The following COQ6 variants were observed in gnomAD, a reference collection of about 807,000 sequenced individuals.
The protein encoded by COQ6 is coenzyme Q6, monooxygenase.
A neutral mutation model predicts 55.5 loss-of-function variants in COQ6; 45 were observed. The ratio of observed to expected loss-of-function variants is 0.81; its 90% CI spans 0.64 to 1.04. The LOEUF is 1.04. Ranked by LOEUF, COQ6 falls within the 50% of genes least tolerant of loss-of-function variation. The probability of loss-of-function intolerance (pLI) is 0.00; values close to 1 mark genes in which losing one functional copy is unlikely to be tolerated. For missense variants in COQ6, 550 were observed against 601.3 expected (o/e 0.91, Z 0.89); for synonymous variants, 206 against 230.5 (o/e 0.89, Z 0.96).
chr14:73,950,684 A>C (rs1437259346), intron 1 of COQ6, 189 bp downstream of exon 1: 1 of 832,838 alleles, frequency 1.2e-6, no homozygotes, highest in Admixed American at 2.9e-5. Flanking sequence ...ATTAGGGTCA[A>C]AAGTGGGAGG....
At chr14:73,953,032 T>C (rs1302316992) in intron 1 of COQ6, among the ~76,000 whole-genome samples, 1 of 152,246 alleles carries the variant, frequency 6.6e-6, no homozygotes, top group Non-Finnish European at 1.5e-5. Context: ...TGAATTTTGC[T>C]TGTTTATTCC....
At position 73,961,337 on chromosome 14, in the gene COQ6, T is replaced by C; in HGVS notation, c.1056T>C (p.His352=). ...TTCTGTTTCCTCTTGGGTTGGGACA[T>C]GCTGCTGAGTACGTCAGGCCTCGGG... ...SRVLFPLGLG[H]AAEYVRPRVA... Residue 352 remains histidine (H), a synonymous_variant, in exon 9 of 12, where the codon CAT becomes CAC. Transcript: ENST00000334571. 2 of 1,614,206 alleles carry C rather than the reference T, an allele frequency of 1.2e-6. No individual in the cohort carries two copies. Among genetic ancestry groups the C allele is most frequent in the South Asian group, 1.1e-5 (1 of 91,092 alleles).
At chr14:73,950,587 C>G (rs2056148724) in intron 1 of COQ6, 92 bp downstream of exon 1, 6 of 1,491,126 alleles carry the variant, frequency 4.0e-6, no homozygotes, top group Non-Finnish European at 5.4e-6. Flanking sequence ...TGCCCAAAGA[C>G]AATTTCTCAG....
chr14:73,961,955 G>T, intron 11 of COQ6, 52 bp downstream of exon 11: 1 of 1,602,786 alleles, frequency 6.2e-7, no homozygotes, highest in South Asian at 1.1e-5. Flanking sequence ...AATTTCTTTT[G>T]CTTTTTTTTG....
rs1177414275 is a variant in COQ6 at position 73,959,240 on chromosome 14, G to T, written c.783+16G>T. 5.6e-6 allele frequency: 9 copies of T among 1,614,184 alleles called. No individual in the cohort carries two copies. Among genetic ancestry groups the T allele is most frequent in the Non-Finnish European group, 7.6e-6 (9 of 1,180,044 alleles). Reference sequence around the variant, plus strand: ...TCTGCTCCCGGTAAGAGGTCCTTCTGACCAGTCCGCCCACATGCATGCAAG... The same window carrying T: ...TCTGCTCCCGGTAAGAGGTCCTTCTTACCAGTCCGCCCACATGCATGCAAG... On this transcript the variant is annotated intron_variant, in intron 7 of 11. Transcript: ENST00000334571.
Position 73,959,185 on chromosome 14 carries a change from G to A in COQ6, c.744G>A (p.Trp248Ter), listed in dbSNP as rs2056586289. The change falls in exon 7 of 12, where the codon TGG becomes TGA. Residue 248 changes from tryptophan (W) to a stop codon, truncating the protein, a stop_gained. Transcript: ENST00000334571. LOFTEE classifies it high-confidence loss of function. ...LSEATENNVA[W>*]QRFLPSGPIA... ...AGGCCACAGAAAACAACGTAGCCTG[G>A]CAGAGATTTCTTCCCTCTGGGCCTA... The A allele has an allele frequency of 1.9e-6, 3 of 1,614,066 alleles. No homozygotes were observed. The highest frequency in any genetic ancestry group is 2.7e-5 in the African/African-American group (2 of 74,916).
intron 2 of COQ6, among the ~76,000 whole-genome samples, chr14:73,955,097 C>T (rs1189698964): frequency 6.6e-6 from 1 of 151,182 alleles, no homozygotes; most frequent in African/African-American, 2.4e-5. Flanking sequence ...GGACTACAGG[C>T]GCCCGCCACC....
chr14:73,960,921 G>A, intron 8 of COQ6: 1 of 582,610 alleles, frequency 1.7e-6, no homozygotes. Flanking sequence ...ATTGAGGGTG[G>A]GGACTAGTGA....
chr14:73,949,946 C>T (rs777954195), upstream of COQ6: 5 of 1,612,160 alleles, frequency 3.1e-6, no homozygotes, highest in African/African-American at 4.0e-5. Context: ...ATTCCTTTCC[C>T]GGGGGCAGTC....
At position 73,950,349 on chromosome 14, in the gene COQ6, T is replaced by C; in HGVS notation, c.17T>C (p.Val6Ala). MAARL[V>A]SRCGAVRAAP... ...GTCTGCACCATGGCGGCCCGGCTTG[T>C]CAGCCGATGCGGGGCTGTGCGTGCA... Residue 6 changes from valine (V) to alanine (A), a missense_variant, in exon 1 of 12, where the codon GTC (valine) becomes GCC (alanine). Coordinates refer to ENST00000334571, the MANE Select transcript of COQ6 (RefSeq NM_182476.3). 6.4e-7 allele frequency: 1 copy of C among 1,554,676 alleles called. No individual in the cohort carries two copies. The highest frequency in any genetic ancestry group is 1.7e-4 in the Middle Eastern group (1 of 6,008).
chr14:73,962,893 C>A, intron 11 of COQ6, 77 bp from the exon 12 acceptor site: 2 of 1,215,544 alleles, frequency 1.6e-6, no homozygotes, highest in Non-Finnish European at 2.4e-6. Context: ...AGAATACCTA[C>A]GTGATTATTA....
At chr14:73,959,304 C>G in intron 7 of COQ6, 80 bp downstream of exon 7, 3 of 1,614,144 alleles carry the variant, frequency 1.9e-6, no homozygotes, top group Non-Finnish European at 2.5e-6. Context: ...TTTCTGGTTT[C>G]AAGGGAATCT....
Position 73,955,788 on chromosome 14 carries a change from TC to T in COQ6, c.358-15del. On this transcript the variant is annotated splice_polypyrimidine_tract_variant and intron_variant, in intron 3 of 11. Coordinates refer to ENST00000334571, the MANE Select transcript of COQ6 (RefSeq NM_182476.3). ...TCCCTCTTGGTTTTAATGCAGACTT[TC>T]CTTTTGTGTTTCCAGGTGTGGGACG... 1 of 1,614,202 alleles carries T rather than the reference TC, an allele frequency of 6.2e-7. No homozygotes were observed. The highest frequency in any genetic ancestry group is 8.5e-7 in the Non-Finnish European group (1 of 1,180,022).
chr14:73,955,943 T>C lies in COQ6; in HGVS notation c.481+15T>C, dbSNP rs1391084483. The stretch of plus-strand genomic sequence containing the variant: ...GGCTGTGTCTGGTGAGGCCCCCATC[T>C]TCCACCTTGCATTCATTGGGAAGTG... On this transcript the variant is annotated intron_variant, in intron 4 of 11. Transcript: ENST00000334571. 6.2e-7 allele frequency: 1 copy of C among 1,613,800 alleles called. No homozygotes were observed. Among genetic ancestry groups the C allele is most frequent in the African/African-American group, 1.3e-5 (1 of 74,914 alleles).
At chr14:73,951,648 GA>G (rs2056197588) in intron 1 of COQ6, among the ~76,000 whole-genome samples, 1 of 98,176 alleles carries the variant, frequency 1.0e-5, no homozygotes, top group South Asian at 3.6e-4. Context: ...TTTTTTTTGT[GA>G]TTTTTTTTTT....
chr14:73,959,267 C>CT (rs747777146), intron 7 of COQ6, 43 bp downstream of exon 7: 1 of 1,614,236 alleles, frequency 6.2e-7, no homozygotes, highest in South Asian at 1.1e-5. Flanking sequence ...GCATGCAAGC[C>CT]TTTCCTCTTC....
chr14:73,959,272 C>T, intron 7 of COQ6, 48 bp downstream of exon 7: 1 of 1,614,218 alleles, frequency 6.2e-7, no homozygotes, highest in Non-Finnish European at 8.5e-7. Context: ...CAAGCCTTTC[C>T]TCTTCACTTT....
Position 73,961,189 on chromosome 14 carries a change from A to G in COQ6, c.908A>G (p.His303Arg). 1.2e-6 allele frequency: 2 copies of G among 1,613,806 alleles called. No homozygotes were observed. The highest frequency in any genetic ancestry group is 1.7e-6 in the Non-Finnish European group (2 of 1,179,924). Residue 303 changes from histidine (H) to arginine (R), a missense_variant, in exon 9 of 12, where the codon CAC (histidine) becomes CGC (arginine). Physicochemically the swap from His to Arg is conservative, Grantham distance 29. Transcript: ENST00000334571. ...GCTGCTCAGTGGAGTGATGCTGACCACACGGACTTCATCGACACAGCTGGT... is the reference window on the plus strand; with the variant it reads ...GCTGCTCAGTGGAGTGATGCTGACCGCACGGACTTCATCGACACAGCTGGT... Reference protein sequence around the residue: ...VNSAFWSDADHTDFIDTAGAM... With the variant: ...VNSAFWSDADRTDFIDTAGAM...
At chr14:73,958,891 A>G (rs2056571129) in intron 5 of COQ6, 80 bp from the exon 6 acceptor site, 6 of 1,582,898 alleles carry the variant, frequency 3.8e-6, no homozygotes, top group Middle Eastern at 2.3e-4. Flanking sequence ...AGCTGGAGGA[A>G]ACTTTAGGGA....
Sources: gnomAD v4.1 joint callset for allele counts (sites outside exome capture counted in the v4.1 genomes callset) on GRCh38, gnomAD v4.1.1 for gene constraint, MANE v1.5 for transcripts, NCBI Gene and HGNC (gene_info 2026-07-23, HGNC 2026-07-21) for gene names.